The following TNNI3K variants were observed in gnomAD, a reference collection of about 807,000 sequenced individuals.
The protein encoded by TNNI3K is TNNI3 interacting kinase, also known as serine/threonine-protein kinase TNNI3K.
Under a neutral mutation model 114.5 loss-of-function variants are expected in TNNI3K, and 140 were observed. That is an observed-to-expected ratio of 1.22 (90% CI 1.07 to 1.41). The LOEUF (loss-of-function observed/expected upper bound fraction) is 1.41. Among genes scored for constraint, TNNI3K ranks in the 40% most tolerant of loss-of-function variants. TNNI3K has a pLI of 0.00. For missense variants in TNNI3K, 1,125 were observed against 1,007.6 expected, an observed-to-expected ratio of 1.12 and a Z score of -1.58; for synonymous variants, 347 against 347.5, an observed-to-expected ratio of 1.00 and a Z score of 0.02.
At chr1:74,497,863 G>A (rs143160775) in intron 23 of TNNI3K, among the ~76,000 whole-genome samples, 10 of 152,264 alleles carry the variant, frequency 6.6e-5, no homozygotes, top group African/African-American at 2.4e-4. Context: ...TGATTCAGGA[G>A]TCCGAAATCC....
chr1:74,515,693 G>A (rs886782783), intron 23 of TNNI3K, among the ~76,000 whole-genome samples: 2 of 152,174 alleles, frequency 1.3e-5, no homozygotes, highest in South Asian at 2.1e-4. Context: ...ACAGGTGAGG[G>A]ATGGAGACTG....
chr1:74,423,928 T>A (rs1210735900), intron 17 of TNNI3K, among the ~76,000 whole-genome samples: 2 of 152,148 alleles, frequency 1.3e-5, no homozygotes, highest in African/African-American at 4.8e-5. Context: ...ATACCTAACA[T>A]CATGTCTACC....
chr1:74,386,621 TG>T, intron 17 of TNNI3K, among the ~76,000 whole-genome samples: 1 of 152,166 alleles, frequency 6.6e-6, no homozygotes. Context: ...ATTAGAATTG[TG>T]GGGCACTTTT....
intron 17 of TNNI3K, chr1:74,375,648 G>C (rs752794215): frequency 2.2e-6 from 1 of 453,342 alleles, no homozygotes; most frequent in South Asian, 1.6e-5. Flanking sequence ...GACTGACTCA[G>C]CATCAAGAGG....
intron 5 of TNNI3K, among the ~76,000 whole-genome samples, chr1:74,298,894 T>C (rs1658152094): frequency 6.6e-6 from 1 of 152,140 alleles, no homozygotes; most frequent in South Asian, 2.1e-4. Flanking sequence ...AAAAGTGCCA[T>C]AAATAAGATA....
chr1:74,517,118 T>C (rs903320020), intron 23 of TNNI3K, among the ~76,000 whole-genome samples: 1 of 152,194 alleles, frequency 6.6e-6, no homozygotes, highest in African/African-American at 2.4e-5. Flanking sequence ...CTGTTCATTA[T>C]TATGTATTAC....
chr1:74,346,317 A>G (rs1489113438), intron 9 of TNNI3K: 1 of 152,132 alleles, frequency 6.6e-6, no homozygotes, highest in African/African-American at 2.4e-5. Context: ...ACCAGGAATC[A>G]TTTCAGACTG....
intron 21 of TNNI3K, 98 bp downstream of exon 21, chr1:74,463,648 C>T (rs2100722623): frequency 1.5e-6 from 2 of 1,378,410 alleles, no homozygotes; most frequent in South Asian, 2.5e-5. Context: ...TATTTTAAGA[C>T]TGTCAAGGCG....
chr1:74,314,689 T>A (rs368200461), intron 5 of TNNI3K, among the ~76,000 whole-genome samples: 2 of 152,130 alleles, frequency 1.3e-5, no homozygotes, highest in African/African-American at 4.8e-5. Context: ...ATGTTCTTAA[T>A]AGAGAAGTGA....
intron 5 of TNNI3K, among the ~76,000 whole-genome samples, chr1:74,291,133 G>A (rs1345407481): frequency 6.6e-6 from 1 of 151,544 alleles, no homozygotes; most frequent in African/African-American, 2.4e-5. Flanking sequence ...TTTCATATCT[G>A]TCTCCTTCTT....
At chr1:74,499,506 G>A (rs935951452) in intron 23 of TNNI3K, among the ~76,000 whole-genome samples, 1 of 152,136 alleles carries the variant, frequency 6.6e-6, no homozygotes, top group Non-Finnish European at 1.5e-5. Context: ...CTCTCATTGT[G>A]CCTAATTTAT....
intron 21 of TNNI3K, among the ~76,000 whole-genome samples, chr1:74,472,570 G>A (rs929227511): frequency 4.6e-5 from 7 of 151,940 alleles, no homozygotes; most frequent in African/African-American, 1.5e-4. Flanking sequence ...TTTCCCATTT[G>A]CAACTTAAAT....
At chr1:74,527,839 G>A (rs1646523071) in intron 23 of TNNI3K, among the ~76,000 whole-genome samples, 1 of 152,188 alleles carries the variant, frequency 6.6e-6, no homozygotes, top group Non-Finnish European at 1.5e-5. Flanking sequence ...AATGGATATG[G>A]AGCAGAATGT....
intron 17 of TNNI3K, among the ~76,000 whole-genome samples, chr1:74,407,948 A>G (rs1003993109): frequency 3.9e-5 from 6 of 152,120 alleles, no homozygotes; most frequent in Admixed American, 3.3e-4. Context: ...TCAAAGTTCC[A>G]TAATGTCACT....
intron 22 of TNNI3K, among the ~76,000 whole-genome samples, 196 bp downstream of exon 22, chr1:74,489,444 T>A (rs1336277271): frequency 1.3e-5 from 2 of 152,212 alleles, no homozygotes; most frequent in East Asian, 3.9e-4. Context: ...AAAGTCAGAG[T>A]GAATTCGAGA....
chr1:74,421,407 C>G (rs1397896923), intron 17 of TNNI3K, among the ~76,000 whole-genome samples: 2 of 151,984 alleles, frequency 1.3e-5, no homozygotes, highest in Admixed American at 6.6e-5. Context: ...AGACTTATTC[C>G]TTAATCTTTA....
chr1:74,432,713 A>AT (rs1310879123), intron 17 of TNNI3K, among the ~76,000 whole-genome samples: 1 of 152,072 alleles, frequency 6.6e-6, no homozygotes, highest in Non-Finnish European at 1.5e-5. Flanking sequence ...ACAGTAACAT[A>AT]TTGAAAACAG....
chr1:74,313,472 G>C (rs1429217879), intron 5 of TNNI3K, among the ~76,000 whole-genome samples: 1 of 152,116 alleles, frequency 6.6e-6, no homozygotes, highest in African/African-American at 2.4e-5. Flanking sequence ...TTTCTGTTTA[G>C]GCTCCTCTTT....
intron 11 of TNNI3K, among the ~76,000 whole-genome samples, chr1:74,356,575 T>C (rs1661669249): frequency 6.6e-6 from 1 of 152,226 alleles, no homozygotes; most frequent in African/African-American, 2.4e-5. Context: ...AGTGTAAGAC[T>C]GTTTACAAAG....
Sources: allele counts gnomAD v4.1 joint callset (sites outside exome capture counted in the v4.1 genomes callset), GRCh38; gene constraint gnomAD v4.1.1; transcripts MANE v1.5; gene names NCBI Gene and HGNC (gene_info 2026-07-23, HGNC 2026-07-21).